ZZEF1: variants seen among roughly 807,000 people sequenced by gnomAD.
The protein encoded by ZZEF1 is zinc finger ZZ-type and EF-hand domain-containing protein 1.
ZZEF1 carries 157 observed loss-of-function variants against 342.8 expected under a neutral mutation model. That is an observed-to-expected ratio of 0.46 (90% CI 0.40 to 0.52). The LOEUF is 0.52. ZZEF1 is among the 20% of genes least tolerant of loss of function. The pLI is 0.00. For missense variants in ZZEF1, 3,480 were observed against 3,725.6 expected (o/e 0.93, Z 1.72); for synonymous variants, 1,505 against 1,429.1 (o/e 1.05, Z -1.20).
chr17:4,137,529 G>T (rs1032716246), intron 1 of ZZEF1, among the ~76,000 whole-genome samples: 6 of 152,120 alleles, frequency 3.9e-5, no homozygotes, highest in Non-Finnish European at 7.4e-5. Flanking sequence ...GGAGAATGGT[G>T]TGAACCTGGG....
chr17:4,019,542 T>G, intron 46 of ZZEF1, 127 bp downstream of exon 46: 1 of 790,982 alleles, frequency 1.3e-6, no homozygotes, highest in Non-Finnish European at 2.0e-6. Flanking sequence ...TACAAAGGAC[T>G]AGCAACTGCT....
Position 4,122,853 on chromosome 17 carries a change from C to G in ZZEF1, c.499+1054G>C, listed in dbSNP as rs184040226. 1.3e-3 allele frequency among the ~76,000 whole-genome samples: 204 copies of G among 151,632 alleles called. 2 individuals carry two copies. The highest frequency in any genetic ancestry group is 6.9e-3 in the Middle Eastern group (2 of 290). ...AGAAAGAAAGAGGAGCCACATTCAC[C>G]TAATTTTTATTTTACTATATTGTTA... On this transcript the variant is annotated intron_variant, in intron 2 of 54. Coordinates refer to ENST00000381638, the MANE Select transcript of ZZEF1 (RefSeq NM_015113.4).
intron 53 of ZZEF1, 168 bp downstream of exon 53, chr17:4,009,436 G>C: frequency 2.1e-6 from 2 of 930,424 alleles, no homozygotes; most frequent in Non-Finnish European, 3.2e-6. Context: ...GGGTTTCCCA[G>C]GCCTGGGAGA....
rs1290977868 is a variant in ZZEF1 at position 4,075,562 on chromosome 17, C to T, written c.3235-133G>A. On this transcript the variant is annotated intron_variant, in intron 21 of 54. Transcript: ENST00000381638. ...CCCTGCACAAACCAGCAGGCAGGCT[C>T]GAAGACAAACCTGACATTCCCATCT... The T allele has an allele frequency of 6.5e-6, 6 of 928,422 alleles. No homozygotes were observed. In the South Asian group the frequency reaches 7.0e-5, roughly 11 times the overall value. 57.5% of individuals were successfully genotyped at this position (928,422 alleles called of 1,614,324 possible). A position where few individuals can be genotyped will look rare whatever the true frequency, so the allele number is the denominator to read the frequency against.
rs758332411 is a variant in ZZEF1, at chr17:4,074,200, C to T, written c.3635G>A (p.Arg1212Gln). The change falls in exon 24 of 55, where the codon CGG becomes CAG. Residue 1212 changes from arginine (R) to glutamine (Q), a missense_variant. This residue lies in a region of ZZEF1 where 1,528 missense variants were observed against 1,624.1 expected (regional missense o/e 0.94). Coordinates refer to ENST00000381638, the MANE Select transcript of ZZEF1 (RefSeq NM_015113.4). ...CTGGGAAGCCAGGCGTCCCATCAGC[C>T]GGGAGACGAGGAGCTGTAAATCCAG... The part of the protein sequence containing the change: ...WGLDLQLLVS[R>Q]LMGRLASQCM... The T allele has an allele frequency of 4.2e-5, 67 of 1,613,900 alleles. No homozygotes were observed. Among genetic ancestry groups the T allele is most frequent in the Non-Finnish European group, 5.0e-5 (59 of 1,179,978 alleles).
Position 4,070,872 on chromosome 17 carries a change from T to C in ZZEF1, c.3887A>G (p.Gln1296Arg), listed in dbSNP as rs1305799243. ...ACAGAAGTTCTGAGCAGGCTCTGAC[T>C]GGGCAAAATCAAGAAGAAAATGGCG... ...PCRHFLLDFAQSEPAQNFCGP... is the reference protein window; with the variant it reads ...PCRHFLLDFARSEPAQNFCGP... Residue 1296 changes from glutamine (Q) to arginine (R), a missense_variant, in exon 26 of 55, where the codon CAG (glutamine) becomes CGG (arginine). Physicochemically the swap from Gln to Arg is conservative, Grantham distance 43. Coordinates refer to ENST00000381638, the MANE Select transcript of ZZEF1 (RefSeq NM_015113.4). 16 of 1,614,068 alleles carry C rather than the reference T, an allele frequency of 9.9e-6. No homozygotes were observed. The East Asian group carries it at 3.6e-4, about 36-fold the overall frequency.
At chr17:4,137,053 T>TA (rs57127461) in intron 1 of ZZEF1, among the ~76,000 whole-genome samples, 120,828 of 151,810 alleles carry the variant, frequency 0.8, 49,204 homozygotes, top group East Asian at 1. Flanking sequence ...AGTGGCTGCT[T>TA]AAAGAGCACT....
chr17:4,107,831 T>C (rs2058236408), intron 6 of ZZEF1, among the ~76,000 whole-genome samples: 1 of 152,166 alleles, frequency 6.6e-6, no homozygotes, highest in Non-Finnish European at 1.5e-5. Flanking sequence ...GATCTCCACC[T>C]AAAGAGCCCC....
chr17:4,078,746 A>C (rs2057669604), intron 18 of ZZEF1, among the ~76,000 whole-genome samples: 1 of 152,250 alleles, frequency 6.6e-6, no homozygotes, highest in South Asian at 2.1e-4. Context: ...TTGCTCCTCA[A>C]GACTGTGCTT....
At chr17:4,087,818 ACACACAC>A (rs1004379293) in intron 13 of ZZEF1, among the ~76,000 whole-genome samples, 5 of 119,188 alleles carry the variant, frequency 4.2e-5, no homozygotes, top group African/African-American at 1.4e-4. Context: ...ACACACACAC[ACACACAC>A]ATCCATGAAC....
rs146914022 is a variant in ZZEF1, at chr17:4,109,020, T to A, written c.1277+633A>T. On this transcript the variant is annotated intron_variant, in intron 6 of 54. Transcript: ENST00000381638. ...AATATTTCAGTGCTGCTATAGCTGG[T>A]TGTATTTGTCTTATATGTTACTATT... is the stretch of plus-strand genomic sequence containing the variant. 8.3e-4 allele frequency among the ~76,000 whole-genome samples: 126 copies of A among 152,374 alleles called. 1 individual carries two copies. In the East Asian group the frequency reaches 0.021, roughly 25 times the overall value.
intron 18 of ZZEF1, among the ~76,000 whole-genome samples, chr17:4,078,479 A>T (rs911475833): frequency 1.3e-5 from 2 of 152,234 alleles, no homozygotes; most frequent in African/African-American, 4.8e-5. Context: ...ACCTCCAGAT[A>T]CGGAAGATTG....
chr17:4,070,467 A>C (rs1357767490), intron 26 of ZZEF1, among the ~76,000 whole-genome samples: 4 of 152,200 alleles, frequency 2.6e-5, no homozygotes, highest in African/African-American at 9.7e-5. Context: ...TTACCTGCTA[A>C]TTTTGCAACT....
intron 37 of ZZEF1, among the ~76,000 whole-genome samples, chr17:4,047,785 C>A (rs1221015928): frequency 4.0e-5 from 6 of 149,650 alleles, no homozygotes; most frequent in Non-Finnish European, 8.9e-5. Flanking sequence ...ACTAAAAATA[C>A]AAAAAATTAG....
In ZZEF1 at chr17:4,076,959, G is replaced by A. The variant is rs749909881; in HGVS notation, c.3020C>T (p.Ala1007Val). 21 of 1,613,704 alleles carry A rather than the reference G, an allele frequency of 1.3e-5. No homozygotes were observed. Among genetic ancestry groups the A allele is most frequent in the East Asian group, 8.9e-5 (4 of 44,892 alleles). Residue 1007 changes from alanine (A) to valine (V), a missense_variant, in exon 20 of 55, where the codon GCG becomes GTG. Ala to Val is a moderately conservative substitution (Grantham distance 64). This residue lies in a region of ZZEF1 where 1,528 missense variants were observed against 1,624.1 expected (regional missense o/e 0.94). Transcript: ENST00000381638. ...CTGTGAGAAAAGGGATTCCAAAATC[G>A]CTCTCATGCTTGCCAGAAACTGGCC... ...YVGQFLASMR[A>V]ILESLFSQYS...
rs1413125961 is a variant in ZZEF1, at chr17:4,142,798, G to A, written c.98C>T (p.Thr33Met). 1.4e-6 allele frequency: 2 copies of A among 1,408,756 alleles called. No individual in the cohort carries two copies. The highest frequency in any genetic ancestry group is 1.5e-5 in the African/African-American group (1 of 65,836). 87.3% of individuals were successfully genotyped at this position (1,408,756 alleles called of 1,614,324 possible). A position where few individuals can be genotyped will look rare whatever the true frequency, so the allele number is the denominator to read the frequency against. ...AGCCGCGACGCCCGGGCCGGGGGTC[G>A]TGCCCGAGACCGCGGCCCAGTCCTG... ...PHQDWAAVSG[T>M]TPGPGVAAPA... is the part of the protein sequence containing the mutation. The change falls in exon 1 of 55, where the codon ACG (threonine) becomes ATG (methionine). Residue 33 changes from threonine (T) to methionine (M), a missense_variant. Transcript: ENST00000381638.
At chr17:4,041,742 G>C (rs1007548916) in intron 39 of ZZEF1, among the ~76,000 whole-genome samples, 2 of 152,048 alleles carry the variant, frequency 1.3e-5, no homozygotes, top group Admixed American at 1.3e-4. Context: ...TTATGCAAAA[G>C]AATAACGAAG....
chr17:4,114,232 G>A (rs2058358329), intron 4 of ZZEF1, 67 bp downstream of exon 4: 3 of 1,283,314 alleles, frequency 2.3e-6, no homozygotes, highest in Non-Finnish European at 1.0e-6. Flanking sequence ...AAAATACAAA[G>A]AGTAGGCAGT....
At chr17:4,125,149 C>T (rs2058553864) in intron 1 of ZZEF1, among the ~76,000 whole-genome samples, 1 of 152,166 alleles carries the variant, frequency 6.6e-6, no homozygotes, top group Admixed American at 6.5e-5. Flanking sequence ...TCCTACAAGA[C>T]TTACCTCACT....
Sources: gnomAD v4.1 joint callset for allele counts (sites outside exome capture counted in the v4.1 genomes callset) on GRCh38, gnomAD v4.1.1 for gene constraint, gnomAD v4.1.1 regional missense constraint, MANE v1.5 for transcripts, NCBI Gene and HGNC (gene_info 2026-07-23, HGNC 2026-07-21) for gene names.